The following CHST10 variants were observed in gnomAD, a reference collection of about 807,000 sequenced individuals.
CHST10 encodes the protein carbohydrate sulfotransferase 10.
CHST10 carries 24 observed loss-of-function variants against 34.7 expected under a neutral mutation model. The ratio of observed to expected loss-of-function variants is 0.69; its 90% CI spans 0.50 to 0.97. CHST10 has a LOEUF of 0.97. Ranked by LOEUF, CHST10 falls within the 50% of genes least tolerant of loss-of-function variation. The pLI, the probability that CHST10 is intolerant of heterozygous loss-of-function variation, is 0.00. For synonymous variants in CHST10, 161 were observed against 169.3 expected, an observed-to-expected ratio of 0.95 and a Z score of 0.38; for missense variants, 402 against 452.1, an observed-to-expected ratio of 0.89 and a Z score of 1.00.
intron 2 of CHST10, among the ~76,000 whole-genome samples, chr2:100,412,721 T>G (rs571318678): frequency 6.6e-6 from 1 of 152,236 alleles, no homozygotes; most frequent in Admixed American, 6.5e-5. Context: ...AGAAGGAAAA[T>G]TGGCAGCAAA....
At chr2:100,400,161 C>CT (rs2104338107) in intron 4 of CHST10, among the ~76,000 whole-genome samples, 1 of 152,306 alleles carries the variant, frequency 6.6e-6, no homozygotes, top group South Asian at 2.1e-4. Context: ...GCAGAAAACT[C>CT]TGCACTTTTA....
intron 2 of CHST10, among the ~76,000 whole-genome samples, chr2:100,411,150 T>G (rs1675818562): frequency 6.7e-6 from 1 of 149,282 alleles, no homozygotes; most frequent in African/African-American, 2.5e-5. Flanking sequence ...AGTGTGTCTC[T>G]CTGTCACCCC....
intron 3 of CHST10, among the ~76,000 whole-genome samples, chr2:100,403,129 C>G (rs921923370): frequency 6.6e-6 from 1 of 152,164 alleles, no homozygotes; most frequent in Non-Finnish European, 1.5e-5. Context: ...AAAATAGGTA[C>G]GATACACCCA....
At chr2:100,404,482 CA>C (rs1454499804) in intron 3 of CHST10, among the ~76,000 whole-genome samples, 1 of 152,224 alleles carries the variant, frequency 6.6e-6, no homozygotes, top group Non-Finnish European at 1.5e-5. Context: ...CATCTTTCTT[CA>C]TAGGTTTTAT....
chr2:100,410,660 A>G (rs1675793364), intron 2 of CHST10, among the ~76,000 whole-genome samples: 2 of 152,216 alleles, frequency 1.3e-5, no homozygotes, highest in Admixed American at 6.5e-5. Context: ...GAGCAGTTCT[A>G]TGTTTAATAT....
At chr2:100,399,050 G>T (rs1416325303) in intron 4 of CHST10, among the ~76,000 whole-genome samples, 7 of 151,422 alleles carry the variant, frequency 4.6e-5, no homozygotes, top group Non-Finnish European at 1.0e-4. Flanking sequence ...TCTAGTTGTG[G>T]CCCTGTTTCT....
intron 6 of CHST10, among the ~76,000 whole-genome samples, chr2:100,394,368 G>A (rs1244321436): frequency 1.8e-4 from 28 of 152,144 alleles, no homozygotes; most frequent in African/African-American, 2.7e-4. Context: ...TGACAAAGAC[G>A]ATGACAACAG....
chr2:100,405,225 C>T (rs1236627119), intron 3 of CHST10, among the ~76,000 whole-genome samples: 8 of 152,218 alleles, frequency 5.3e-5, no homozygotes, highest in Non-Finnish European at 7.3e-5. Context: ...GAGTCCCGGG[C>T]GTGAGCTGTC....
At position 100,415,068 on chromosome 2, in the gene CHST10, T is replaced by C; in HGVS notation, c.-60A>G. Reference sequence around the variant, plus strand: ...TCTGCAGCCTGGGGCTCACATTTCCTTGCTGTGTTTCCCCTGAACTGAGGT... The same window carrying C: ...TCTGCAGCCTGGGGCTCACATTTCCCTGCTGTGTTTCCCCTGAACTGAGGT... On this transcript the variant is annotated 5_prime_UTR_variant, in exon 2 of 7. Transcript: ENST00000264249. The C allele has an allele frequency of 1.5e-6, 2 of 1,303,630 alleles. No individual in the cohort carries two copies. 80.8% of individuals were successfully genotyped at this position (1,303,630 alleles called of 1,614,324 possible). A position where few individuals can be genotyped will look rare whatever the true frequency, so the allele number is the denominator to read the frequency against.
chr2:100,397,894 A>ATTCTAAATG lies in CHST10; in HGVS notation c.427+13_427+14insCATTTAGAA, dbSNP rs750148149. 3.0e-5 allele frequency: 48 copies of ATTCTAAATG among 1,593,654 alleles called. No homozygotes were observed. The South Asian group carries it at 5.4e-4, about 18-fold the overall frequency. On this transcript the variant is annotated intron_variant, in intron 5 of 6. Coordinates refer to ENST00000264249, the MANE Select transcript of CHST10 (RefSeq NM_004854.5). ...AGACCCTTCCCAGTGGACATTCAGT[A>ATTCTAAATG]GACCCACACACACCATTTAGAACAA...
In CHST10 at chr2:100,401,959, G is replaced by A. The variant is rs990585346; in HGVS notation, c.192+605C>T. 7.9e-5 allele frequency among the ~76,000 whole-genome samples: 12 copies of A among 152,250 alleles called. No homozygotes were observed. The South Asian group carries it at 2.5e-3, about 32-fold the overall frequency. ...CCAGAATGGGGGTTACGAAGTGAGA[G>A]GCCTTCCAGAGTGCACCCCTCATCC... On this transcript the variant is annotated intron_variant, in intron 4 of 6. Transcript: ENST00000264249.
intron 1 of CHST10, 23 bp downstream of exon 1, chr2:100,417,351 C>G (rs1054198594): frequency 2.9e-6 from 1 of 343,138 alleles, no homozygotes; most frequent in African/African-American, 2.2e-5. Flanking sequence ...GAAACCCACC[C>G]GCCTGCGCGT....
intron 2 of CHST10, among the ~76,000 whole-genome samples, chr2:100,408,964 A>C (rs1675698556): frequency 1.3e-5 from 2 of 152,048 alleles, no homozygotes; most frequent in South Asian, 4.1e-4. Flanking sequence ...TGCAATTCTA[A>C]ACAGACAGGT....
intron 4 of CHST10, 27 bp downstream of exon 4, chr2:100,402,537 C>A (rs546344205): frequency 6.2e-7 from 1 of 1,600,184 alleles, no homozygotes; most frequent in African/African-American, 1.3e-5. Context: ...TTCAAGAGGA[C>A]AAGGACCACG....
intron 1 of CHST10, chr2:100,416,720 C>A (rs1676082769): frequency 1.5e-5 from 5 of 334,250 alleles, no homozygotes; most frequent in South Asian, 9.6e-5. Flanking sequence ...AACAAAAACC[C>A]ACCGTTATGA....
chr2:100,406,427 G>T, intron 3 of CHST10, 149 bp downstream of exon 3: 65 of 796,932 alleles, frequency 8.2e-5, no homozygotes, highest in East Asian at 2.6e-4. Flanking sequence ...TCTGTAACAT[G>T]AAGGAACGGA....
Position 100,406,582 on chromosome 2 carries a change from G to C in CHST10, c.94C>G (p.Pro32Ala), listed in dbSNP as rs780525416. 16 of 1,614,112 alleles carry C rather than the reference G, an allele frequency of 9.9e-6. No homozygotes were observed. The East Asian group carries it at 3.6e-4, about 36-fold the overall frequency. ...CACCATGAAGCATACGTACCATCTGGGTCTTTAAAGGTCAACGTGATGAAC... is the reference window on the plus strand; with the variant it reads ...CACCATGAAGCATACGTACCATCTGCGTCTTTAAAGGTCAACGTGATGAAC... ...SKFITLTFKD[P>A]DVYSAKQEFL... The change falls in exon 3 of 7, where the codon CCA (proline) becomes GCA (alanine). Residue 32 changes from proline to alanine, a missense_variant. Pro to Ala is a conservative substitution (Grantham distance 27). Coordinates refer to ENST00000264249, the MANE Select transcript of CHST10 (RefSeq NM_004854.5).
At chr2:100,411,465 G>A (rs1031525780) in intron 2 of CHST10, among the ~76,000 whole-genome samples, 4 of 152,016 alleles carry the variant, frequency 2.6e-5, no homozygotes, top group African/African-American at 9.7e-5. Flanking sequence ...TCCTACATGA[G>A]CCAATCAGAA....
intron 2 of CHST10, among the ~76,000 whole-genome samples, chr2:100,413,327 C>T (rs1022451213): frequency 6.6e-6 from 1 of 152,230 alleles, no homozygotes; most frequent in African/African-American, 2.4e-5. Flanking sequence ...CTGAACAGAG[C>T]CTCCTGACCC....
Sources: allele counts gnomAD v4.1 joint callset (sites outside exome capture counted in the v4.1 genomes callset), GRCh38; gene constraint gnomAD v4.1.1; transcripts MANE v1.5; gene names NCBI Gene and HGNC (gene_info 2026-07-23, HGNC 2026-07-21).